FAM83G: variants seen among roughly 807,000 people sequenced by gnomAD.
FAM83G encodes the protein protein FAM83G.
FAM83G carries 38 observed loss-of-function variants against 61.5 expected under a neutral mutation model. That is an observed-to-expected ratio of 0.62 (90% CI 0.48 to 0.81). The LOEUF (loss-of-function observed/expected upper bound fraction) is 0.81, where lower values mean the gene tolerates loss of function less well. Among genes scored for constraint, FAM83G ranks in the 30% least tolerant of loss-of-function variants. The probability of loss-of-function intolerance (pLI) is 0.00; values close to 1 mark genes in which losing one functional copy is unlikely to be tolerated. For missense variants in FAM83G, 989 were observed against 1,133.6 expected, an observed-to-expected ratio of 0.87 and a Z score of 1.83; for synonymous variants, 470 against 476.1, an observed-to-expected ratio of 0.99 and a Z score of 0.17.
At position 19,004,388 on chromosome 17, in the gene FAM83G, C is replaced by A; in HGVS notation, c.-128-219G>T. 4.4e-6 allele frequency: 1 copy of A among 225,592 alleles called. No individual in the cohort carries two copies. Among genetic ancestry groups the A allele is most frequent in the South Asian group, 1.1e-4 (1 of 9,276 alleles). The allele number at this position is 225,592 out of a possible 1,614,324, so 14.0% of individuals were successfully genotyped here. The stretch of plus-strand genomic sequence containing the variant: ...GGGCCACGTCCCAGGGCTCAGCGTG[C>A]CTCTACGTGCAGGGAACCCATATCC... On this transcript the variant is annotated intron_variant, in intron 1 of 5. Transcript: ENST00000388995. This position sits in a 1 kb window ranked among gnomAD's most constrained non-coding sequence, Gnocchi z 5.4.
chr17:18,991,208 G>T (rs1321690857), intron 2 of FAM83G, among the ~76,000 whole-genome samples: 13 of 152,202 alleles, frequency 8.5e-5, no homozygotes, highest in Admixed American at 8.5e-4. Flanking sequence ...CCTTGTCTGA[G>T]CCCAGGACGG....
chr17:18,990,886 C>A (rs767044042), intron 2 of FAM83G, among the ~76,000 whole-genome samples: 3 of 152,210 alleles, frequency 2.0e-5, no homozygotes, highest in Non-Finnish European at 4.4e-5. Context: ...CATGCCCTTT[C>A]CCATTTTATA....
chr17:19,005,081 G>A (rs1451366517), upstream of FAM83G, among the ~76,000 whole-genome samples: 1 of 152,214 alleles, frequency 6.6e-6, no homozygotes, highest in Non-Finnish European at 1.5e-5. Context: ...CCCTGGCTGT[G>A]CCCAGTTTCG....
At chr17:18,988,579 G>A (rs1194926014) in intron 2 of FAM83G, among the ~76,000 whole-genome samples, 165 bp from the exon 3 acceptor site, 1 of 152,232 alleles carries the variant, frequency 6.6e-6, no homozygotes, top group Non-Finnish European at 1.5e-5. Flanking sequence ...AGGGGCCAGG[G>A]GCCTCTCTTG....
intron 5 of FAM83G, among the ~76,000 whole-genome samples, chr17:18,975,533 T>C (rs1301089123): frequency 6.6e-6 from 1 of 151,220 alleles, no homozygotes; most frequent in Non-Finnish European, 1.5e-5. Context: ...CTACTAAAAA[T>C]ACAAAAAAAA....
intron 3 of FAM83G, among the ~76,000 whole-genome samples, chr17:18,984,245 A>G (rs1029774052): frequency 6.6e-6 from 1 of 151,364 alleles, no homozygotes; most frequent in Non-Finnish European, 1.5e-5. Flanking sequence ...GGGAGGCTGA[A>G]GCAGGATAAT....
rs772063783 is a variant in FAM83G at position 18,977,754 on chromosome 17, C to G, written c.1912G>C (p.Ala638Pro). The G allele has an allele frequency of 1.2e-6, 2 of 1,604,480 alleles. No individual in the cohort carries two copies. The highest frequency in any genetic ancestry group is 1.7e-6 in the Non-Finnish European group (2 of 1,175,754). The change falls in exon 5 of 6, where the codon GCC becomes CCC. Residue 638 changes from alanine (A) to proline (P), a missense_variant. Ala to Pro is a conservative substitution (Grantham distance 27). Around this residue, in one of 3 missense-constraint regions of FAM83G, gnomAD observed 574 missense variants for 645.1 expected, o/e 0.89. Coordinates refer to ENST00000388995, the MANE Select transcript of FAM83G (RefSeq NM_001039999.3). ...CGCGGTGGTGGGGTTGGCCCGTTGG[C>G]CACTTGCTCTGAGTGGCGCCTCCGG... ...PLRRRHSEQVANGPTPPPRRQ... is the reference protein window; with the variant it reads ...PLRRRHSEQVPNGPTPPPRRQ...
rs528041247 is a variant in FAM83G at position 18,973,188 on chromosome 17, C to A, written c.2083-1440G>T. ...CTGCCAGGCTGAGCCCCTTTACACC[C>A]GCCACCTCCCACCTCCTCCCAATGC... On this transcript the variant is annotated intron_variant, in intron 5 of 5. Transcript: ENST00000388995. Among the ~76,000 whole-genome samples, 3 of 152,344 alleles carry A rather than the reference C, an allele frequency of 2.0e-5. No homozygotes were observed. The East Asian group carries it at 5.8e-4, about 29-fold the overall frequency.
chr17:18,978,828 T>C lies in FAM83G; in HGVS notation c.838A>G (p.Thr280Ala). 6.2e-7 allele frequency: 1 copy of C among 1,612,222 alleles called. No individual in the cohort carries two copies. The highest frequency in any genetic ancestry group is 1.3e-5 in the African/African-American group (1 of 74,990). The change falls in exon 5 of 6, where the codon ACG becomes GCG. Residue 280 changes from threonine (T) to alanine (A), a missense_variant. By Grantham distance (58) the Thr-to-Ala change is moderately conservative (BLOSUM62 0). This residue lies in a region of FAM83G where 371 missense variants were observed against 404.5 expected (regional missense o/e 0.92). Coordinates refer to ENST00000388995, the MANE Select transcript of FAM83G (RefSeq NM_001039999.3). ...SYSFTWSAAR[T>A]DRNVISVLSG... ...AGCACAGAGATCACATTCCGGTCCG[T>C]CCGCGCGGCCGACCACGTGAAGCTG...
At chr17:18,995,733 C>A (rs1184939813) in intron 2 of FAM83G, among the ~76,000 whole-genome samples, 1 of 151,918 alleles carries the variant, frequency 6.6e-6, no homozygotes, top group Non-Finnish European at 1.5e-5. Context: ...CATGGCAAAA[C>A]CCTGTCTCTA....
At position 18,971,185 on chromosome 17, in the gene FAM83G, C is replaced by T; in HGVS notation, c.*174G>A. Reference sequence around the variant, plus strand: ...GGACCGGGATGACCTTTGGCCTGACCATCATGGCCACCTGGTACTGGTGCA... The same window carrying T: ...GGACCGGGATGACCTTTGGCCTGACTATCATGGCCACCTGGTACTGGTGCA... On this transcript the variant is annotated 3_prime_UTR_variant, in exon 6 of 6. Transcript: ENST00000388995. The surrounding 1 kb of genome is among the most constrained non-coding windows in gnomAD (Gnocchi z 5.5). 1 of 1,614,054 alleles carries T rather than the reference C, an allele frequency of 6.2e-7. No individual in the cohort carries two copies. Among genetic ancestry groups the T allele is most frequent in the Non-Finnish European group, 8.5e-7 (1 of 1,180,046 alleles).
At chr17:18,979,723 A>G (rs1442046653) in intron 3 of FAM83G, 50 bp from the exon 4 acceptor site, 2 of 1,604,966 alleles carry the variant, frequency 1.2e-6, no homozygotes, top group South Asian at 2.2e-5. Flanking sequence ...CCCTGACCAC[A>G]CAGGGCGAGG....
chr17:18,985,928 TG>T (rs1431545326), intron 3 of FAM83G, among the ~76,000 whole-genome samples: 1 of 152,244 alleles, frequency 6.6e-6, no homozygotes, highest in East Asian at 1.9e-4. Context: ...TTAGAATGTG[TG>T]GTTCTTGCCA....
Position 18,978,499 on chromosome 17 carries a change from G to T in FAM83G, c.1167C>A (p.Pro389=), listed in dbSNP as rs776255462. Residue 389 remains proline (P), a synonymous_variant, in exon 5 of 6, where the codon CCC becomes CCA. Transcript: ENST00000388995. ...PALAEHPGEL[P]ELLPPIHPGL... is the part of the protein sequence containing the mutation. Reference sequence around the variant, plus strand: ...CTGGGTGGATGGGTGGCAGCAGCTCGGGGAGTTCCCCTGGATGCTCAGCCA... The same window carrying T: ...CTGGGTGGATGGGTGGCAGCAGCTCTGGGAGTTCCCCTGGATGCTCAGCCA... 6.2e-7 allele frequency: 1 copy of T among 1,612,942 alleles called. No homozygotes were observed. The highest frequency in any genetic ancestry group is 8.5e-7 in the Non-Finnish European group (1 of 1,179,800).
intron 2 of FAM83G, among the ~76,000 whole-genome samples, chr17:18,993,722 G>A (rs1413036205): frequency 6.6e-6 from 1 of 152,154 alleles, no homozygotes; most frequent in Non-Finnish European, 1.5e-5. Context: ...CTCATCTTGG[G>A]GTTCGTTATT....
chr17:18,977,730 G>A lies in FAM83G; in HGVS notation c.1936C>T (p.Arg646Cys), dbSNP rs201669881. 5.2e-5 allele frequency: 84 copies of A among 1,608,232 alleles called. 1 individual carries two copies. Among genetic ancestry groups the A allele is most frequent in the Admixed American group, 2.4e-4 (14 of 59,516 alleles). The change falls in exon 5 of 6, where the codon CGC (arginine) becomes TGC (cysteine). Residue 646 changes from arginine to cysteine, a missense_variant. Transcript: ENST00000388995. ...ATATGGGGGGCACTCAGCTGCCGGC[G>A]CGGTGGTGGGGTTGGCCCGTTGGCC... ...QVANGPTPPP[R>C]RQLSAPHITR...
upstream of FAM83G, among the ~76,000 whole-genome samples, chr17:19,005,594 G>C (rs1032883412): frequency 6.6e-6 from 1 of 152,036 alleles, no homozygotes; most frequent in Non-Finnish European, 1.5e-5. Context: ...TTTGGGTCCC[G>C]TAAGGATGCT....
chr17:18,999,389 T>C (rs1050276924), intron 2 of FAM83G, among the ~76,000 whole-genome samples: 1 of 152,186 alleles, frequency 6.6e-6, no homozygotes, highest in African/African-American at 2.4e-5. Context: ...ACAGTGCCAC[T>C]GCTTCTCCAG....
intron 2 of FAM83G, among the ~76,000 whole-genome samples, chr17:18,998,108 C>T (rs2043614099): frequency 6.6e-6 from 1 of 152,230 alleles, no homozygotes; most frequent in Admixed American, 6.5e-5. Context: ...GGTACTCGAG[C>T]CCAGGGGTCA....
Sources: allele counts gnomAD v4.1 joint callset (sites outside exome capture counted in the v4.1 genomes callset), GRCh38; gene constraint gnomAD v4.1.1; regional missense constraint gnomAD v4.1.1; non-coding constraint Gnocchi (gnomAD v3.1); transcripts MANE v1.5; gene names NCBI Gene and HGNC (gene_info 2026-07-23, HGNC 2026-07-21).